TULP4: variants seen among roughly 807,000 people sequenced by gnomAD.
TULP4 encodes TUB like protein 4, also known as tubby-related protein 4.
A neutral mutation model predicts 129.0 loss-of-function variants in TULP4; 16 were observed. That is an observed-to-expected ratio of 0.12 (90% CI 0.08 to 0.19). The LOEUF (loss-of-function observed/expected upper bound fraction) is 0.19, where lower values mean the gene tolerates loss of function less well. Ranked by LOEUF, TULP4 falls within the 10% of genes least tolerant of loss-of-function variation. TULP4 has a pLI of 1.00. For missense variants in TULP4, 1,842 were observed against 2,059.1 expected (o/e 0.89, Z 2.04); for synonymous variants, 998 against 854.0 (o/e 1.17, Z -2.94).
rs1461638275 is a variant in TULP4, at chr6:158,317,990, C to T, written c.252+3722C>T. Reference sequence around the variant, plus strand: ...AGTGTCTGTTCATATCCTTTGCCCACTTTTTGACGGGGTTGTTTGTTTCTT... The same window carrying T: ...AGTGTCTGTTCATATCCTTTGCCCATTTTTTGACGGGGTTGTTTGTTTCTT... On this transcript the variant is annotated intron_variant, in intron 1 of 13. Coordinates refer to ENST00000367097, the MANE Select transcript of TULP4 (RefSeq NM_020245.5). Among the ~76,000 whole-genome samples the T allele has an allele frequency of 3.9e-5, 6 of 152,270 alleles. No individual in the cohort carries two copies. In the South Asian group the frequency reaches 8.3e-4, roughly 21 times the overall value.
At chr6:158,285,768 G>A (rs890240669) in intron 1 of TULP4, among the ~76,000 whole-genome samples, 1 of 152,206 alleles carries the variant, frequency 6.6e-6, no homozygotes, top group South Asian at 2.1e-4. Flanking sequence ...CAATGTGGGT[G>A]TGCTCTCTGT....
chr6:158,392,540 A>G (rs915094804), intron 1 of TULP4, among the ~76,000 whole-genome samples: 8 of 152,150 alleles, frequency 5.3e-5, no homozygotes, highest in Non-Finnish European at 1.2e-4. Context: ...GATGACTGCC[A>G]TAGCTCGACC....
intron 4 of TULP4, among the ~76,000 whole-genome samples, chr6:158,450,195 A>G (rs978821952): frequency 1.3e-5 from 2 of 152,166 alleles, no homozygotes; most frequent in Non-Finnish European, 2.9e-5. Flanking sequence ...ACACTGCCGC[A>G]GGCTTCTATC....
intron 1 of TULP4, among the ~76,000 whole-genome samples, chr6:158,382,207 G>T (rs1365808162): frequency 6.6e-6 from 1 of 152,126 alleles, no homozygotes; most frequent in Non-Finnish European, 1.5e-5. Context: ...GCATCTGACT[G>T]ACCGACTGCT....
upstream of TULP4, among the ~76,000 whole-genome samples, chr6:158,310,064 T>G (rs1779315507): frequency 6.6e-6 from 1 of 152,214 alleles, no homozygotes; most frequent in African/African-American, 2.4e-5. Context: ...AACCATAATT[T>G]GTCATTCATA....
intron 3 of TULP4, among the ~76,000 whole-genome samples, chr6:158,447,271 T>C (rs866618517): frequency 1.3e-5 from 2 of 152,312 alleles, no homozygotes; most frequent in Admixed American, 6.5e-5. Flanking sequence ...TTTGTAGACA[T>C]GCTATCAGAT....
At chr6:158,262,644 G>A (rs996881793) in intron 1 of TULP4, among the ~76,000 whole-genome samples, 3 of 152,150 alleles carry the variant, frequency 2.0e-5, no homozygotes, top group African/African-American at 4.8e-5. Context: ...ATCCTTTTCA[G>A]TGAGGATTCC....
chr6:158,463,072 A>C (rs187578585), intron 6 of TULP4, among the ~76,000 whole-genome samples: 14 of 152,126 alleles, frequency 9.2e-5, no homozygotes, highest in African/African-American at 3.4e-4. Context: ...CTGTGTCTTT[A>C]CCCTGTGTGT....
intron 1 of TULP4, among the ~76,000 whole-genome samples, chr6:158,355,473 A>G (rs532275683): frequency 2.0e-5 from 3 of 152,264 alleles, no homozygotes; most frequent in Non-Finnish European, 4.4e-5. Context: ...AAGCTGGAAG[A>G]GTGGATGGAG....
At chr6:158,256,387 C>T (rs577150158) in intron 1 of TULP4, among the ~76,000 whole-genome samples, 1 of 152,296 alleles carries the variant, frequency 6.6e-6, no homozygotes, top group East Asian at 1.9e-4. Flanking sequence ...CACACTCACA[C>T]AGGCAGCTTT....
In TULP4 at chr6:158,478,887, C is replaced by T. The variant is rs540442999; in HGVS notation, c.1027-864C>T. Among the ~76,000 whole-genome samples, 14 of 152,248 alleles carry T rather than the reference C, an allele frequency of 9.2e-5. No individual in the cohort carries two copies. In the South Asian group the frequency reaches 2.5e-3, roughly 27 times the overall value. On this transcript the variant is annotated intron_variant, in intron 6 of 13. Transcript: ENST00000367097. ...AAGATAATGATGGCCATGACCCTAG[C>T]GAGGCTACCACAGGAACCGTGTTCT... is the stretch of plus-strand genomic sequence containing the variant.
In TULP4 at chr6:158,444,008, A is replaced by G. The variant is rs929699600; in HGVS notation, c.544-4988A>G. On this transcript the variant is annotated intron_variant, in intron 3 of 13. Coordinates refer to ENST00000367097, the MANE Select transcript of TULP4 (RefSeq NM_020245.5). ...GCCAGGGTGGGCGGATCACAAGGTC[A>G]GGAGATTGAGACCATCCTGGCTAAC... Among the ~76,000 whole-genome samples, 24 of 152,096 alleles carry G rather than the reference A, an allele frequency of 1.6e-4. No homozygotes were observed. The East Asian group carries it at 1.7e-3, about 11-fold the overall frequency.
intron 1 of TULP4, among the ~76,000 whole-genome samples, chr6:158,377,688 A>G (rs776650308): frequency 6.6e-6 from 1 of 152,142 alleles, no homozygotes; most frequent in East Asian, 1.9e-4. Context: ...CTGCGTGACC[A>G]CATTTGGGAT....
intron 8 of TULP4, 72 bp downstream of exon 8, chr6:158,481,361 T>A: frequency 7.2e-7 from 1 of 1,380,240 alleles, no homozygotes; most frequent in Non-Finnish European, 1.0e-6. Context: ...TTACACCCCA[T>A]GCAAAGAGAA....
intron 1 of TULP4, among the ~76,000 whole-genome samples, chr6:158,372,112 G>A (rs1432591715): frequency 2.5e-5 from 3 of 120,596 alleles, no homozygotes; most frequent in Non-Finnish European, 5.0e-5. Context: ...ACCATGCCAA[G>A]CCATTTTCTA....
intron 11 of TULP4, among the ~76,000 whole-genome samples, chr6:158,495,060 TA>T (rs1780301848): frequency 1.3e-5 from 2 of 152,042 alleles, no homozygotes; most frequent in African/African-American, 4.8e-5. Context: ...TTTTTTTTTT[TA>T]AATCTTTTAA....
intron 9 of TULP4, among the ~76,000 whole-genome samples, chr6:158,491,560 T>C (rs1247603306): frequency 6.6e-6 from 1 of 151,860 alleles, no homozygotes; most frequent in African/African-American, 2.4e-5. Flanking sequence ...TGGCATGATC[T>C]CGGCTCACTG....
chr6:158,247,484 G>A (rs1319046315), intron 1 of TULP4, among the ~76,000 whole-genome samples: 4 of 152,212 alleles, frequency 2.6e-5, no homozygotes, highest in Non-Finnish European at 5.9e-5. Context: ...CTACTTAAAT[G>A]TTATAGAGTG....
chr6:158,324,269 T>G lies in TULP4; in HGVS notation c.252+10001T>G, dbSNP rs149890690. Among the ~76,000 whole-genome samples, 53 of 152,284 alleles carry G rather than the reference T, an allele frequency of 3.5e-4. No homozygotes were observed. In the East Asian group the frequency reaches 9.3e-3, roughly 27 times the overall value. ...TAGGTATTTAAAAAATATTCTTACATTCCCTGACTATAGCCATAATTAACG... is the reference window on the plus strand; with the variant it reads ...TAGGTATTTAAAAAATATTCTTACAGTCCCTGACTATAGCCATAATTAACG... On this transcript the variant is annotated intron_variant, in intron 1 of 13. Transcript: ENST00000367097.
Sources: gnomAD v4.1 joint callset for allele counts (sites outside exome capture counted in the v4.1 genomes callset) on GRCh38, gnomAD v4.1.1 for gene constraint, MANE v1.5 for transcripts, NCBI Gene and HGNC (gene_info 2026-07-23, HGNC 2026-07-21) for gene names.